RRP15: variants seen among roughly 807,000 people sequenced by gnomAD.
RRP15 encodes the protein ribosomal RNA processing 15 homolog.
RRP15 carries 18 observed loss-of-function variants against 27.1 expected under a neutral mutation model. That is an observed-to-expected ratio of 0.66 (90% confidence interval 0.46 to 0.98). The LOEUF (loss-of-function observed/expected upper bound fraction) is 0.98. RRP15 is among the 50% of genes least tolerant of loss of function. The probability of loss-of-function intolerance (pLI) is 0.00; values close to 1 mark genes in which losing one functional copy is unlikely to be tolerated. For synonymous variants in RRP15, 107 were observed against 109.4 expected (o/e 0.98, Z 0.14); for missense variants, 359 against 337.8 (o/e 1.06, Z -0.49).
At position 218,330,885 on chromosome 1, in the gene RRP15, A is replaced by G. The variant is rs181117495; in HGVS notation, c.706-63A>G. The G allele has an allele frequency of 3.9e-5, 57 of 1,471,668 alleles. No homozygotes were observed. In the African/African-American group the frequency reaches 8.0e-4, roughly 21 times the overall value. The allele number at this position is 1,471,668 out of a possible 1,614,324, so 91.2% of individuals were successfully genotyped here. ...TTGAAAAGTTTGTTTTGTAGCTTGT[A>G]CCTTTTTGTTTCCTTATGATGGAAT... On this transcript the variant is annotated intron_variant, in intron 4 of 4. Transcript: ENST00000366932.
intron 4 of RRP15, 90 bp from the exon 5 acceptor site, chr1:218,330,858 C>T: frequency 9.5e-7 from 1 of 1,054,028 alleles, no homozygotes; most frequent in Non-Finnish European, 1.4e-6. Flanking sequence ...AAAAACTAAG[C>T]ATTGAAAAGT....
At chr1:218,307,372 G>T in intron 3 of RRP15, 59 bp from the exon 4 acceptor site, 1 of 1,430,212 alleles carries the variant, frequency 7.0e-7, no homozygotes. Flanking sequence ...CCTATCCTCA[G>T]AGTTTGTATT....
chr1:218,305,430 C>T (rs1014382560), intron 3 of RRP15, among the ~76,000 whole-genome samples: 1 of 152,224 alleles, frequency 6.6e-6, no homozygotes, highest in Non-Finnish European at 1.5e-5. Context: ...ATTTGTGGCA[C>T]TCAATGATGG....
chr1:218,298,957 C>T (rs1219368892), intron 1 of RRP15, among the ~76,000 whole-genome samples: 1 of 152,138 alleles, frequency 6.6e-6, no homozygotes, highest in Admixed American at 6.5e-5. Context: ...ACTTCAAAGG[C>T]ATTTTTTACT....
intron 4 of RRP15, among the ~76,000 whole-genome samples, chr1:218,317,441 G>C (rs936528076): frequency 6.6e-6 from 1 of 152,166 alleles, no homozygotes; most frequent in African/African-American, 2.4e-5. Flanking sequence ...CTTTTTCCTA[G>C]GTCTCTCGTG....
Position 218,302,636 on chromosome 1 carries a change from A to C in RRP15, c.405+77A>C, listed in dbSNP as rs1655833136. On this transcript the variant is annotated intron_variant, in intron 2 of 4. Transcript: ENST00000366932. ...TTATCTTGACCGAACTGTTTCTTGC[A>C]GTGTTTGACCAATTAACGTTCCAGT... 3 of 1,532,802 alleles carry C rather than the reference A, an allele frequency of 2.0e-6. No homozygotes were observed. In the Admixed American group the frequency reaches 6.4e-5, roughly 33 times the overall value. The allele number at this position is 1,532,802 out of a possible 1,614,324, so 95.0% of individuals were successfully genotyped here. A position where few individuals can be genotyped will look rare whatever the true frequency, so the allele number is the denominator to read the frequency against.
chr1:218,302,275 T>G lies in RRP15; in HGVS notation c.140-19T>G, dbSNP rs768990752. ...TAGGATATTAAAGTTTAATTTGCCT[T>G]TACTCTTTGGTTCTATAGGAAGCTG... On this transcript the variant is annotated intron_variant, in intron 1 of 4. Transcript: ENST00000366932. 6.3e-7 allele frequency: 1 copy of G among 1,594,356 alleles called. No individual in the cohort carries two copies. Among genetic ancestry groups the G allele is most frequent in the Non-Finnish European group, 8.6e-7 (1 of 1,166,298 alleles).
intron 4 of RRP15, among the ~76,000 whole-genome samples, chr1:218,327,626 GC>G (rs1571810050): frequency 6.6e-6 from 1 of 152,056 alleles, no homozygotes; most frequent in East Asian, 1.9e-4. Flanking sequence ...TTCTTGAGCT[GC>G]CATCTTGACA....
At chr1:218,291,648 C>T (rs1315323232) in intron 1 of RRP15, among the ~76,000 whole-genome samples, 1 of 149,382 alleles carries the variant, frequency 6.7e-6, no homozygotes, top group Non-Finnish European at 1.5e-5. Context: ...TCTTCTGCCT[C>T]AGCCTTCCGA....
intron 4 of RRP15, among the ~76,000 whole-genome samples, chr1:218,315,446 A>ATTTTTTTTG (rs1480662843): frequency 1.6e-4 from 24 of 151,930 alleles, no homozygotes; most frequent in Non-Finnish European, 2.8e-4. Flanking sequence ...TGGTTTTTCT[A>ATTTTTTTTG]AGGCAGGATC....
rs968134212 is a variant in RRP15, at chr1:218,337,637, T to A, written c.*6546T>A. 4 of 151,970 alleles carry A rather than the reference T, an allele frequency of 2.6e-5. No homozygotes were observed. In the East Asian group the frequency reaches 7.7e-4, roughly 29 times the overall value. The allele number at this position is 151,970 out of a possible 1,614,324, so 9.4% of individuals were successfully genotyped here. On this transcript the variant is annotated 3_prime_UTR_variant, in exon 5 of 5. Coordinates refer to ENST00000366932, the MANE Select transcript of RRP15 (RefSeq NM_016052.4). Reference sequence around the variant, plus strand: ...ATGCATGAGGTGAATAGAATAAGACTTTTTTTTAAAGAATGTAATTTTTGA... The same window carrying A: ...ATGCATGAGGTGAATAGAATAAGACATTTTTTTAAAGAATGTAATTTTTGA...
At chr1:218,311,805 G>A (rs1458628230) in intron 4 of RRP15, among the ~76,000 whole-genome samples, 2 of 152,162 alleles carry the variant, frequency 1.3e-5, no homozygotes, top group African/African-American at 4.8e-5. Context: ...TGATATGTTG[G>A]CCCGATAGAT....
chr1:218,297,937 A>T (rs1405800719), intron 1 of RRP15, among the ~76,000 whole-genome samples: 1 of 152,034 alleles, frequency 6.6e-6, no homozygotes, highest in Non-Finnish European at 1.5e-5. Flanking sequence ...TCCCAAACTT[A>T]CTTTCTTTAT....
chr1:218,328,617 T>C (rs1188778737), intron 4 of RRP15, among the ~76,000 whole-genome samples: 7 of 152,052 alleles, frequency 4.6e-5, no homozygotes, highest in South Asian at 2.1e-4. Context: ...GAGCCGAGAT[T>C]GCGCCACTGC....
intron 4 of RRP15, among the ~76,000 whole-genome samples, chr1:218,322,949 G>A (rs1432879821): frequency 2.0e-5 from 3 of 152,184 alleles, no homozygotes; most frequent in African/African-American, 2.4e-5. Flanking sequence ...TGCCAGCTGC[G>A]GCAGGGTCCA....
At chr1:218,326,513 GA>G (rs1211944248) in intron 4 of RRP15, among the ~76,000 whole-genome samples, 1 of 151,560 alleles carries the variant, frequency 6.6e-6, no homozygotes, top group Non-Finnish European at 1.5e-5. Flanking sequence ...TTCATGATTA[GA>G]ACAAATAGAC....
intron 1 of RRP15, among the ~76,000 whole-genome samples, chr1:218,294,919 T>C (rs1416601350): frequency 6.6e-6 from 1 of 152,202 alleles, no homozygotes; most frequent in Admixed American, 6.5e-5. Flanking sequence ...AATAGATATT[T>C]CACAGTATCA....
intron 4 of RRP15, among the ~76,000 whole-genome samples, chr1:218,318,716 C>G (rs889119929): frequency 6.6e-6 from 1 of 151,894 alleles, no homozygotes; most frequent in Non-Finnish European, 1.5e-5. Context: ...ATGCCAGTTT[C>G]CACTTGGTTA....
intron 4 of RRP15, among the ~76,000 whole-genome samples, chr1:218,324,612 G>A (rs1295759102): frequency 1.3e-5 from 2 of 152,212 alleles, no homozygotes; most frequent in East Asian, 1.9e-4. Context: ...ATGTGTAGTC[G>A]TATCTTTTGA....
Sources: allele counts gnomAD v4.1 joint callset (sites outside exome capture counted in the v4.1 genomes callset), GRCh38; gene constraint gnomAD v4.1.1; transcripts MANE v1.5; gene names NCBI Gene and HGNC (gene_info 2026-07-23, HGNC 2026-07-21).